Variants in CNGA1 observed in about 807,000 individuals in gnomAD.
The protein encoded by CNGA1 is cyclic nucleotide-gated channel alpha-1.
CNGA1 carries 53 observed loss-of-function variants against 69.7 expected under a neutral mutation model. The observed-to-expected ratio is 0.76, with a 90% CI of 0.61 to 0.96. The LOEUF (loss-of-function observed/expected upper bound fraction) is 0.96. Among genes scored for constraint, CNGA1 ranks in the 40% least tolerant of loss-of-function variants. The pLI is 0.00. For synonymous variants in CNGA1, 249 were observed against 283.5 expected (o/e 0.88, Z 1.22); for missense variants, 739 against 811.2 (o/e 0.91, Z 1.08).
chr4:47,992,181 T>A (rs1018384984), intron 2 of CNGA1, among the ~76,000 whole-genome samples: 3 of 151,986 alleles, frequency 2.0e-5, no homozygotes, highest in African/African-American at 7.2e-5. Flanking sequence ...AATTTTAGAA[T>A]TTTTTTATAG....
chr4:48,009,382 T>C (rs1186540780), intron 2 of CNGA1, among the ~76,000 whole-genome samples: 1 of 151,206 alleles, frequency 6.6e-6, no homozygotes, highest in African/African-American at 2.4e-5. Flanking sequence ...GGAGAATCAC[T>C]TGAACCCGGG....
intron 2 of CNGA1, among the ~76,000 whole-genome samples, chr4:48,005,157 T>C (rs929644611): frequency 6.6e-6 from 1 of 152,004 alleles, no homozygotes; most frequent in Non-Finnish European, 1.5e-5. Flanking sequence ...TTGCTCTTGT[T>C]GCCAGGATGG....
At chr4:47,943,880 G>A (rs1035158305) in intron 6 of CNGA1, among the ~76,000 whole-genome samples, 3 of 152,330 alleles carry the variant, frequency 2.0e-5, no homozygotes, top group East Asian at 3.9e-4. Flanking sequence ...TCAACAAGCT[G>A]TCTGGTAATA....
rs568892412 is a variant in CNGA1 at position 47,961,545 on chromosome 4, C to G, written c.-14-8842G>C. On this transcript the variant is annotated intron_variant, in intron 3 of 10. Coordinates refer to ENST00000514170, the MANE Select transcript of CNGA1 (RefSeq NM_001379270.1). ...ATCACTTGAGGTCAAGAGTTCCAGA[C>G]CAGCCTGGGCAACATAGTGAGATCC... is the stretch of plus-strand genomic sequence containing the variant. 4.6e-5 allele frequency among the ~76,000 whole-genome samples: 7 copies of G among 152,230 alleles called. No individual in the cohort carries two copies. The East Asian group carries it at 1.2e-3, about 25-fold the overall frequency.
intron 10 of CNGA1, among the ~76,000 whole-genome samples, chr4:47,938,160 C>T (rs1738794940): frequency 1.4e-5 from 2 of 138,556 alleles, no homozygotes; most frequent in South Asian, 2.3e-4. Context: ...TGGGCAACAG[C>T]GAGACCCTGT....
At chr4:47,964,321 C>T (rs1407753557) in intron 3 of CNGA1, among the ~76,000 whole-genome samples, 2 of 152,078 alleles carry the variant, frequency 1.3e-5, no homozygotes, top group Non-Finnish European at 2.9e-5. Context: ...AAATATAATT[C>T]TGATTGTCAG....
At chr4:47,965,755 T>A (rs1020562228) in intron 3 of CNGA1, among the ~76,000 whole-genome samples, 5 of 152,090 alleles carry the variant, frequency 3.3e-5, no homozygotes, top group African/African-American at 1.2e-4. Flanking sequence ...TATATGCTAC[T>A]GGGTCCCAGC....
chr4:47,975,275 T>C (rs1560300392), intron 3 of CNGA1, among the ~76,000 whole-genome samples: 2 of 152,336 alleles, frequency 1.3e-5, no homozygotes, highest in South Asian at 2.1e-4. Flanking sequence ...ACACTGTTGC[T>C]ATGTTGCCCC....
intron 3 of CNGA1, among the ~76,000 whole-genome samples, chr4:47,965,950 C>T (rs1385430332): frequency 6.6e-6 from 1 of 152,076 alleles, no homozygotes; most frequent in Non-Finnish European, 1.5e-5. Context: ...TTAGGGACTT[C>T]GTTGCTTTAC....
At chr4:47,989,843 AT>A (rs1226687355) in intron 2 of CNGA1, among the ~76,000 whole-genome samples, 3 of 151,544 alleles carry the variant, frequency 2.0e-5, no homozygotes, top group Non-Finnish European at 4.4e-5. Context: ...TGTCATTCTT[AT>A]TGCGGGAAGT....
At chr4:48,008,674 C>T (rs752732042) in intron 2 of CNGA1, among the ~76,000 whole-genome samples, 1 of 152,130 alleles carries the variant, frequency 6.6e-6, no homozygotes, top group Non-Finnish European at 1.5e-5. Context: ...CTGTGATAGT[C>T]ATCAATTAAA....
chr4:47,983,435 A>G (rs932653741), intron 2 of CNGA1, among the ~76,000 whole-genome samples: 9 of 152,132 alleles, frequency 5.9e-5, no homozygotes, highest in African/African-American at 1.9e-4. Flanking sequence ...CTAAAAATAC[A>G]AAAACTAGCT....
chr4:47,970,974 G>A (rs1325180580), intron 3 of CNGA1: 1 of 453,608 alleles, frequency 2.2e-6, no homozygotes, highest in East Asian at 6.9e-5. Flanking sequence ...TGGCCAACAT[G>A]GTGAAATCCC....
At chr4:47,950,371 C>T (rs1253412466) in intron 5 of CNGA1, among the ~76,000 whole-genome samples, 1 of 152,230 alleles carries the variant, frequency 6.6e-6, no homozygotes, top group African/African-American at 2.4e-5. Flanking sequence ...TTGCCTTCTG[C>T]CATGATTGTG....
intron 3 of CNGA1, among the ~76,000 whole-genome samples, chr4:47,967,973 G>C (rs369146255): frequency 2.0e-5 from 3 of 151,218 alleles, no homozygotes; most frequent in East Asian, 3.9e-4. Flanking sequence ...GCAAGACTTC[G>C]TCTCAAAAAA....
intron 2 of CNGA1, among the ~76,000 whole-genome samples, chr4:48,002,696 AAAAC>A (rs1456721994): frequency 6.6e-6 from 1 of 151,128 alleles, no homozygotes; most frequent in Non-Finnish European, 1.5e-5. Context: ...AAAAAAAAAA[AAAAC>A]AAAAACAAAA....
At chr4:47,999,801 G>T (rs1009007336) in intron 2 of CNGA1, among the ~76,000 whole-genome samples, 1 of 152,160 alleles carries the variant, frequency 6.6e-6, no homozygotes, top group Non-Finnish European at 1.5e-5. Flanking sequence ...AACCCAGGAG[G>T]CAGAGGTTGT....
chr4:47,988,409 T>G (rs1375421750), intron 2 of CNGA1, among the ~76,000 whole-genome samples: 1 of 152,164 alleles, frequency 6.6e-6, no homozygotes, highest in Non-Finnish European at 1.5e-5. Flanking sequence ...ATGAATGAAT[T>G]AAACACTTCT....
intron 3 of CNGA1, among the ~76,000 whole-genome samples, chr4:47,959,427 G>T (rs1034972474): frequency 2.3e-5 from 3 of 130,622 alleles, no homozygotes; most frequent in African/African-American, 7.4e-5. Flanking sequence ...AAAGTACATG[G>T]AGAAAAAAAG....
Sources: gnomAD v4.1 joint callset for allele counts (sites outside exome capture counted in the v4.1 genomes callset) on GRCh38, gnomAD v4.1.1 for gene constraint, MANE v1.5 for transcripts, NCBI Gene and HGNC (gene_info 2026-07-23, HGNC 2026-07-21) for gene names.